Variants in SHISA9 observed in about 807,000 individuals in gnomAD.
SHISA9 encodes the protein shisa family member 9, also known as protein shisa-9.
Under a neutral mutation model 38.0 loss-of-function variants are expected in SHISA9, and 13 were observed. The ratio of observed to expected loss-of-function variants is 0.34; its 90% CI spans 0.22 to 0.54. SHISA9 has a LOEUF of 0.54. Ranked by LOEUF, SHISA9 falls within the 20% of genes least tolerant of loss-of-function variation. The pLI, the probability that SHISA9 is intolerant of heterozygous loss-of-function variation, is 0.91. For synonymous variants in SHISA9, 275 were observed against 242.0 expected, an observed-to-expected ratio of 1.14 and a Z score of -1.27; for missense variants, 538 against 575.8, an observed-to-expected ratio of 0.93 and a Z score of 0.67.
chr16:13,496,825 G>T, the SHISA9 span, among the ~76,000 whole-genome samples: 1 of 151,960 alleles, frequency 6.6e-6, no homozygotes, highest in East Asian at 1.9e-4. Flanking sequence ...ACACACACAC[G>T]ATCTTGGCCA....
the SHISA9 span, among the ~76,000 whole-genome samples, chr16:13,491,532 A>G: frequency 4.7e-4 from 71 of 152,078 alleles, no homozygotes; most frequent in Non-Finnish European, 2.6e-4. Context: ...TCTGTCACCA[A>G]GGCTGGAGTG....
the SHISA9 span, among the ~76,000 whole-genome samples, chr16:13,440,552 T>C: frequency 2.0e-5 from 3 of 152,238 alleles, no homozygotes; most frequent in Non-Finnish European, 4.4e-5. Context: ...AGTTATTCTG[T>C]TAACAGAGTC....
the SHISA9 span, among the ~76,000 whole-genome samples, chr16:13,410,175 G>A: frequency 2.1e-4 from 32 of 152,332 alleles, no homozygotes; most frequent in African/African-American, 7.5e-4. Context: ...ACAAAGCTTT[G>A]AAGTTGATTT....
chr16:13,020,715 T>C (rs2072842003), intron 2 of SHISA9, among the ~76,000 whole-genome samples: 1 of 152,170 alleles, frequency 6.6e-6, no homozygotes, highest in African/African-American at 2.4e-5. Context: ...ATCCTTTGTA[T>C]CTCCACCATC....
the SHISA9 span, among the ~76,000 whole-genome samples, chr16:13,366,944 C>G: frequency 7.0e-6 from 1 of 142,480 alleles, no homozygotes. Context: ...GATCTCGCCA[C>G]TGCACTCCAG....
intron 2 of SHISA9, among the ~76,000 whole-genome samples, chr16:13,139,033 T>G (rs2050374454): frequency 6.6e-6 from 1 of 152,272 alleles, no homozygotes; most frequent in South Asian, 2.1e-4. Flanking sequence ...GGTACTAAGT[T>G]GCGAATTAGA....
At chr16:13,225,424 G>A (rs143670487) in intron 4 of SHISA9, among the ~76,000 whole-genome samples, 9 of 152,224 alleles carry the variant, frequency 5.9e-5, no homozygotes, top group Admixed American at 3.3e-4. Flanking sequence ...TAAGTAGCTA[G>A]AGTCCACGTC....
At chr16:13,492,138 G>T in the SHISA9 span, among the ~76,000 whole-genome samples, 79 of 151,994 alleles carry the variant, frequency 5.2e-4, no homozygotes, top group Non-Finnish European at 1.1e-3. Context: ...AAGGCTCTCT[G>T]TTCCGGTGTC....
intron 2 of SHISA9, among the ~76,000 whole-genome samples, chr16:13,200,440 A>ACAGCAGCAG (rs771736127): frequency 6.7e-6 from 1 of 150,036 alleles, no homozygotes; most frequent in Non-Finnish European, 1.5e-5. Context: ...ACACACACAC[A>ACAGCAGCAG]CAGCAGCAGC....
At chr16:13,190,229 C>T (rs952817853) in intron 2 of SHISA9, among the ~76,000 whole-genome samples, 2 of 148,962 alleles carry the variant, frequency 1.3e-5, no homozygotes, top group East Asian at 2.0e-4. Context: ...ATCCCTCCCC[C>T]CTCCCCCTAC....
At chr16:13,359,016 T>C in the SHISA9 span, among the ~76,000 whole-genome samples, 1 of 152,196 alleles carries the variant, frequency 6.6e-6, no homozygotes, top group East Asian at 1.9e-4. Context: ...TTAATAGCTC[T>C]GTATTCCTGA....
chr16:12,929,805 A>G (rs991953577), intron 2 of SHISA9, among the ~76,000 whole-genome samples: 6 of 152,022 alleles, frequency 3.9e-5, no homozygotes, highest in African/African-American at 1.5e-4. Flanking sequence ...ATAAAAGTTG[A>G]AGGGAAAAAA....
intron 2 of SHISA9, among the ~76,000 whole-genome samples, chr16:13,155,571 GTGTT>G (rs1294722696): frequency 4.1e-5 from 6 of 144,928 alleles, no homozygotes; most frequent in African/African-American, 7.6e-5. Flanking sequence ...CTTTCATAGT[GTGTT>G]TGTTTGTGTG....
intron 2 of SHISA9, among the ~76,000 whole-genome samples, chr16:13,018,541 G>A (rs369643917): frequency 2.8e-4 from 42 of 152,286 alleles, no homozygotes; most frequent in South Asian, 2.1e-3. Flanking sequence ...AGGTTCCATC[G>A]GGATGAAGGC....
chr16:13,255,934 T>C, the SHISA9 span, among the ~76,000 whole-genome samples: 2 of 152,220 alleles, frequency 1.3e-5, 1 homozygote, highest in South Asian at 4.1e-4. Flanking sequence ...AATTTATGCT[T>C]AAATCCTTAA....
chr16:13,049,031 T>G (rs984996250), intron 2 of SHISA9, among the ~76,000 whole-genome samples: 1 of 152,196 alleles, frequency 6.6e-6, no homozygotes, highest in African/African-American at 2.4e-5. Context: ...TGTGAGCTTC[T>G]GGACTCTGCA....
At chr16:13,428,025 A>G in the SHISA9 span, among the ~76,000 whole-genome samples, 1 of 152,192 alleles carries the variant, frequency 6.6e-6, no homozygotes, top group Non-Finnish European at 1.5e-5. Context: ...ACTACGAAAA[A>G]TCTAAGCATA....
chr16:13,250,651 G>A, the SHISA9 span, among the ~76,000 whole-genome samples: 2 of 152,086 alleles, frequency 1.3e-5, no homozygotes, highest in Non-Finnish European at 2.9e-5. Flanking sequence ...CACCCACCAG[G>A]TGCTTATATA....
chr16:13,464,657 C>G, the SHISA9 span, among the ~76,000 whole-genome samples: 1 of 152,208 alleles, frequency 6.6e-6, no homozygotes, highest in South Asian at 2.1e-4. Flanking sequence ...GAAATTTTCC[C>G]GTTTACTACC....
Sources: gnomAD v4.1 joint callset for allele counts (sites outside exome capture counted in the v4.1 genomes callset) on GRCh38, gnomAD v4.1.1 for gene constraint, MANE v1.5 for transcripts, NCBI Gene and HGNC (gene_info 2026-07-23, HGNC 2026-07-21) for gene names.